MCC: variants seen among roughly 807,000 people sequenced by gnomAD.
The protein encoded by MCC is colorectal mutant cancer protein.
MCC carries 90 observed loss-of-function variants against 116.2 expected under a neutral mutation model. The observed-to-expected ratio is 0.77, with a 90% CI of 0.65 to 0.92. MCC has a LOEUF of 0.92. Ranked by LOEUF, MCC falls within the 40% of genes least tolerant of loss-of-function variation. The pLI is 0.00. For synonymous variants in MCC, 578 were observed against 510.5 expected (o/e 1.13, Z -1.78); for missense variants, 1,516 against 1,312.2 (o/e 1.16, Z -2.40).
At chr5:113,105,739 C>A (rs1756691407) in intron 6 of MCC, among the ~76,000 whole-genome samples, 1 of 152,242 alleles carries the variant, frequency 6.6e-6, no homozygotes. Context: ...ACCACTGTAA[C>A]AATCTCCTGC....
At chr5:113,030,805 T>C (rs1750902203) in intron 17 of MCC, among the ~76,000 whole-genome samples, 1 of 152,238 alleles carries the variant, frequency 6.6e-6, no homozygotes, top group African/African-American at 2.4e-5. Flanking sequence ...TATCTGACAC[T>C]GTAATAAGAC....
At chr5:113,407,706 G>C (rs1314455145) in intron 1 of MCC, among the ~76,000 whole-genome samples, 1 of 152,102 alleles carries the variant, frequency 6.6e-6, no homozygotes, top group African/African-American at 2.4e-5. Flanking sequence ...GTATACGTGT[G>C]CCATGGGGGT....
intron 3 of MCC, among the ~76,000 whole-genome samples, chr5:113,293,364 C>G (rs758825770): frequency 9.9e-5 from 15 of 152,170 alleles, no homozygotes; most frequent in Non-Finnish European, 1.8e-4. Flanking sequence ...TCTTTCCTCT[C>G]TTCAGCCATA....
At chr5:113,448,845 CT>C (rs1771298973) in intron 1 of MCC, among the ~76,000 whole-genome samples, 1 of 152,214 alleles carries the variant, frequency 6.6e-6, no homozygotes. Context: ...TCCAGGACAG[CT>C]CCACAAATAG....
At chr5:113,288,055 C>G (rs745978214) in intron 3 of MCC, among the ~76,000 whole-genome samples, 19 of 152,346 alleles carry the variant, frequency 1.2e-4, no homozygotes, top group East Asian at 7.7e-4. Context: ...TCCAGCCAAA[C>G]GAACCATCTC....
At chr5:113,459,077 C>G (rs1013672920) in intron 1 of MCC, among the ~76,000 whole-genome samples, 1 of 144,834 alleles carries the variant, frequency 6.9e-6, no homozygotes, top group African/African-American at 2.6e-5. Context: ...TGGCTGGAAC[C>G]TGGATGCTCT....
intron 3 of MCC, among the ~76,000 whole-genome samples, chr5:113,172,750 T>C (rs1468223111): frequency 3.3e-5 from 5 of 152,194 alleles, no homozygotes; most frequent in Non-Finnish European, 7.4e-5. Context: ...TTCGTGGAAA[T>C]AGAGTTAATT....
intron 16 of MCC, among the ~76,000 whole-genome samples, chr5:113,045,690 T>A (rs1157129213): frequency 6.6e-6 from 1 of 151,460 alleles, no homozygotes; most frequent in East Asian, 1.9e-4. Flanking sequence ...TCCCAGATAA[T>A]TGGGAGGCTG....
intron 17 of MCC, among the ~76,000 whole-genome samples, chr5:113,031,690 C>G (rs184296848): frequency 6.6e-6 from 1 of 152,270 alleles, no homozygotes; most frequent in East Asian, 1.9e-4. Flanking sequence ...CTCCCTCCCC[C>G]ACTCCTATCC....
intron 6 of MCC, among the ~76,000 whole-genome samples, chr5:113,119,999 C>T (rs1046901320): frequency 7.9e-5 from 12 of 152,222 alleles, no homozygotes; most frequent in Non-Finnish European, 1.6e-4. Flanking sequence ...TGTGTTTATC[C>T]TTGCACTTCC....
chr5:113,159,965 C>T (rs562720881), intron 3 of MCC, among the ~76,000 whole-genome samples: 3 of 152,360 alleles, frequency 2.0e-5, no homozygotes, highest in African/African-American at 7.2e-5. Context: ...AGCTTTTCAT[C>T]TTTCCTTTTA....
At chr5:113,299,292 C>CAAAAAAAAAAAAAAAAAAAAAAAAA (rs58372049) in intron 3 of MCC, among the ~76,000 whole-genome samples, 4 of 52,062 alleles carry the variant, frequency 7.7e-5, no homozygotes, top group Admixed American at 3.4e-4. Context: ...GACTCCGTCT[C>CAAAAAAAAAAAAAAAAAAAAAAAAA]AAAAAAAAAA....
chr5:113,129,291 G>A (rs1195049090), intron 5 of MCC, among the ~76,000 whole-genome samples: 2 of 152,096 alleles, frequency 1.3e-5, no homozygotes, highest in Non-Finnish European at 2.9e-5. Flanking sequence ...GAAGAGTGCC[G>A]TCAGGAAGGA....
At chr5:113,472,898 T>C (rs1772131656) in intron 1 of MCC, among the ~76,000 whole-genome samples, 2 of 152,188 alleles carry the variant, frequency 1.3e-5, no homozygotes, top group African/African-American at 4.8e-5. Flanking sequence ...AAGCACCGTA[T>C]TTTGTCTTAA....
chr5:113,024,025 G>A lies in MCC; in HGVS notation c.*3277C>T, dbSNP rs1348541279. ...CCAGAAGACTTTCAGATAGTTTCATGTTTTCCTTAGAGTGGTAACTTTCTT... is the reference window on the plus strand; with the variant it reads ...CCAGAAGACTTTCAGATAGTTTCATATTTTCCTTAGAGTGGTAACTTTCTT... On this transcript the variant is annotated 3_prime_UTR_variant, in exon 19 of 19. Coordinates refer to ENST00000408903, the MANE Select transcript of MCC (RefSeq NM_001085377.2). 6.7e-5 allele frequency: 8 copies of A among 119,858 alleles called. No homozygotes were observed. The East Asian group carries it at 1.3e-3, about 19-fold the overall frequency. 7.4% of individuals were successfully genotyped at this position (119,858 alleles called of 1,614,324 possible).
chr5:113,249,140 C>T (rs1323005977), intron 3 of MCC, among the ~76,000 whole-genome samples: 1 of 64,986 alleles, frequency 1.5e-5, no homozygotes, highest in African/African-American at 1.5e-4. Context: ...CCGCACCCAG[C>T]TCTCTCTCTC....
At position 113,104,239 on chromosome 5, in the gene MCC, T is replaced by C. The variant is rs764565772; in HGVS notation, c.1144A>G (p.Ile382Val). 26 of 1,614,108 alleles carry C rather than the reference T, an allele frequency of 1.6e-5. No individual in the cohort carries two copies. Among genetic ancestry groups the C allele is most frequent in the Non-Finnish European group, 1.9e-5 (23 of 1,180,032 alleles). Residue 382 changes from isoleucine (I) to valine (V), a missense_variant, in exon 7 of 19, where the codon ATT (isoleucine) becomes GTT (valine). Physicochemically the swap from Ile to Val is conservative, Grantham distance 29 (BLOSUM62 3). Coordinates refer to ENST00000408903, the MANE Select transcript of MCC (RefSeq NM_001085377.2). ...SLSVAEVDKH[I>V]EQLTTASEHC... ...TCGCTGGCTGTGGTGAGCTGCTCAATGTGCTTGTCCACCTCGGCCACGGAG... is the reference window on the plus strand; with the variant it reads ...TCGCTGGCTGTGGTGAGCTGCTCAACGTGCTTGTCCACCTCGGCCACGGAG...
At chr5:113,293,411 C>G (rs1766586298) in intron 3 of MCC, among the ~76,000 whole-genome samples, 1 of 152,142 alleles carries the variant, frequency 6.6e-6, no homozygotes, top group Non-Finnish European at 1.5e-5. Context: ...ACTTTTGCCC[C>G]CATAAATGGC....
chr5:113,218,440 A>T (rs1410298856), intron 3 of MCC, among the ~76,000 whole-genome samples: 1 of 152,166 alleles, frequency 6.6e-6, no homozygotes, highest in East Asian at 1.9e-4. Context: ...TGTTCCTGAC[A>T]TTACCGCCCG....
Sources: gnomAD v4.1 joint callset for allele counts (sites outside exome capture counted in the v4.1 genomes callset) on GRCh38, gnomAD v4.1.1 for gene constraint, MANE v1.5 for transcripts, NCBI Gene and HGNC (gene_info 2026-07-23, HGNC 2026-07-21) for gene names.